HADHB: variants seen among roughly 807,000 people sequenced by gnomAD.
HADHB encodes the protein hydroxyacyl-CoA dehydrogenase trifunctional multienzyme complex subunit beta.
In HADHB, 50 loss-of-function variants were observed where a neutral mutation model predicts 61.9. The observed-to-expected ratio is 0.81, with a 90% CI of 0.64 to 1.02. The LOEUF is 1.02. Ranked by LOEUF, HADHB falls within the 50% of genes least tolerant of loss-of-function variation. The pLI, the probability that HADHB is intolerant of heterozygous loss-of-function variation, is 0.00. For missense variants in HADHB, 504 were observed against 586.5 expected, an observed-to-expected ratio of 0.86 and a Z score of 1.45; for synonymous variants, 191 against 201.6, an observed-to-expected ratio of 0.95 and a Z score of 0.45.
chr2:26,287,795 C>T (rs1673097744), intron 15 of HADHB, among the ~76,000 whole-genome samples: 1 of 152,090 alleles, frequency 6.6e-6, no homozygotes, highest in Admixed American at 6.6e-5. Flanking sequence ...TTTTGGGGGG[C>T]TGTGTGTTGT....
At chr2:26,273,299 T>G (rs1672420570) in intron 5 of HADHB, among the ~76,000 whole-genome samples, 1 of 152,158 alleles carries the variant, frequency 6.6e-6, no homozygotes, top group Admixed American at 6.5e-5. Context: ...CTTTGCTTTA[T>G]CTCTTTGATT....
intron 5 of HADHB, among the ~76,000 whole-genome samples, chr2:26,272,037 A>G (rs1292507757): frequency 2.0e-5 from 3 of 152,244 alleles, no homozygotes; most frequent in Non-Finnish European, 4.4e-5. Flanking sequence ...CTATAGGCGT[A>G]AGCCAATGTT....
At position 26,278,768 on chromosome 2, in the gene HADHB, C is replaced by T. The variant is rs1236583272; in HGVS notation, c.597C>T (p.Ile199=). The change falls in exon 8 of 16, where the codon ATC becomes ATT. Residue 199 remains isoleucine (I), a synonymous_variant. Coordinates refer to ENST00000317799, the MANE Select transcript of HADHB (RefSeq NM_000183.3). ...CTATGGGCCAGCGACTGTCTTTAAT[C>T]TCTAAATTCCGATTTAATTTCCTAG... ...AKSMGQRLSL[I]SKFRFNFLAP... The T allele has an allele frequency of 9.3e-6, 15 of 1,613,998 alleles. No homozygotes were observed. The highest frequency in any genetic ancestry group is 1.3e-5 in the African/African-American group (1 of 74,916).
chr2:26,290,170 ATC>A lies in HADHB; in HGVS notation c.*220_*221del. On this transcript the variant is annotated 3_prime_UTR_variant, in exon 16 of 16. Transcript: ENST00000317799. ...TTTCAGGGATTTCTAAGCCACCAGAATCTCACATGAGATGTGTGGGTGGTTGT... is the reference window on the plus strand; with the variant it reads ...TTTCAGGGATTTCTAAGCCACCAGAATCACATGAGATGTGTGGGTGGTTGT... The A allele has an allele frequency of 5.1e-6, 3 of 591,968 alleles. No individual in the cohort carries two copies. The South Asian group carries it at 5.9e-5, about 12-fold the overall frequency. 36.7% of individuals were successfully genotyped at this position (591,968 alleles called of 1,614,324 possible). A position where few individuals can be genotyped will look rare whatever the true frequency, so the allele number is the denominator to read the frequency against.
intron 1 of HADHB, among the ~76,000 whole-genome samples, chr2:26,248,025 G>C (rs1002288297): frequency 1.6e-4 from 25 of 152,226 alleles, no homozygotes; most frequent in African/African-American, 6.0e-4. Context: ...TCCATGTCTA[G>C]ACTCATAGCT....
At chr2:26,282,396 G>A (rs1231781454) in intron 10 of HADHB, among the ~76,000 whole-genome samples, 1 of 151,748 alleles carries the variant, frequency 6.6e-6, no homozygotes, top group African/African-American at 2.4e-5. Flanking sequence ...AAGTAGCTGG[G>A]ACTACAGGTG....
chr2:26,265,121 C>G (rs780589931), intron 4 of HADHB, among the ~76,000 whole-genome samples: 1 of 152,084 alleles, frequency 6.6e-6, no homozygotes, highest in Admixed American at 6.6e-5. Flanking sequence ...ACTGACACAA[C>G]AGTAAAAGTA....
chr2:26,256,353 A>C (rs1671607124), intron 3 of HADHB, among the ~76,000 whole-genome samples: 1 of 152,120 alleles, frequency 6.6e-6, no homozygotes, highest in Non-Finnish European at 1.5e-5. Flanking sequence ...ATTCCTCTTG[A>C]AGCTTGTGTG....
intron 4 of HADHB, among the ~76,000 whole-genome samples, chr2:26,266,955 C>G (rs1672113122): frequency 6.7e-6 from 1 of 149,292 alleles, no homozygotes; most frequent in Non-Finnish European, 1.5e-5. Context: ...ATGACTTTTC[C>G]CCAAATAATT....
rs1224268851 is a variant in HADHB at position 26,254,470 on chromosome 2, C to T, written c.105C>T (p.Ala35=). ...PLSCSSQLRA[A]PAVQTKTKKT... is the part of the protein sequence containing the mutation. ...GCTGTTCCTCCCAGCTACGAGCTGCCCCAGGTACAGTAATTTGTAAAATAA... is the reference window on the plus strand; with the variant it reads ...GCTGTTCCTCCCAGCTACGAGCTGCTCCAGGTACAGTAATTTGTAAAATAA... The change falls in exon 3 of 16, where the codon GCC becomes GCT. Residue 35 remains alanine (A), a synonymous_variant. Coordinates refer to ENST00000317799, the MANE Select transcript of HADHB (RefSeq NM_000183.3). 1.9e-6 allele frequency: 3 copies of T among 1,569,050 alleles called. No individual in the cohort carries two copies. The highest frequency in any genetic ancestry group is 2.2e-5 in the East Asian group (1 of 44,662).
At position 26,273,745 on chromosome 2, in the gene HADHB, A is replaced by G; in HGVS notation, c.349A>G (p.Arg117Gly). Residue 117 changes from arginine (R) to glycine (G), a missense_variant, in exon 6 of 16, where the codon AGA becomes GGA. Coordinates refer to ENST00000317799, the MANE Select transcript of HADHB (RefSeq NM_000183.3). ...IQEVKTSNVA[R>G]EAALGAGFSD... ...GGAAGTGAAAACAAGCAATGTGGCT[A>G]GAGAGGTGAGTAAAACAAACTTTAT... 3 of 1,536,984 alleles carry G rather than the reference A, an allele frequency of 2.0e-6. No homozygotes were observed. The highest frequency in any genetic ancestry group is 2.3e-5 in the East Asian group (1 of 44,418).
At chr2:26,246,991 G>A (rs1318913599) in intron 1 of HADHB, among the ~76,000 whole-genome samples, 1 of 152,184 alleles carries the variant, frequency 6.6e-6, no homozygotes, top group Non-Finnish European at 1.5e-5. Context: ...ATGTGGTTAA[G>A]TAACTGGCTT....
rs1012719947 is a variant in HADHB, at chr2:26,244,988, A to G, written c.-11A>G. On this transcript the variant is annotated splice_region_variant and 5_prime_UTR_variant, in exon 1 of 16. Coordinates refer to ENST00000317799, the MANE Select transcript of HADHB (RefSeq NM_000183.3). ...GAGGGAGTCCTCGCGGACGTCAGCC[A>G]AGGTGAGACGGCGAGCCCTCAGCTC... 30 of 260,008 alleles carry G rather than the reference A, an allele frequency of 1.2e-4. No homozygotes were observed. Among genetic ancestry groups the G allele is most frequent in the African/African-American group, 5.9e-4 (27 of 45,918 alleles). 16.1% of individuals were successfully genotyped at this position (260,008 alleles called of 1,614,324 possible). A position where few individuals can be genotyped will look rare whatever the true frequency, so the allele number is the denominator to read the frequency against.
In HADHB at chr2:26,277,056, C is replaced by G. The variant is rs747646711; in HGVS notation, c.355-17C>G. On this transcript the variant is annotated splice_polypyrimidine_tract_variant and intron_variant, in intron 6 of 15. Coordinates refer to ENST00000317799, the MANE Select transcript of HADHB (RefSeq NM_000183.3). ...CTTCCCTTATAGTGATCATTTCATTCACTCTATTTCCTAAAGGCTGCCCTT... is the reference window on the plus strand; with the variant it reads ...CTTCCCTTATAGTGATCATTTCATTGACTCTATTTCCTAAAGGCTGCCCTT... The G allele has an allele frequency of 7.1e-6, 9 of 1,273,380 alleles. No individual in the cohort carries two copies. In the East Asian group the frequency reaches 1.6e-4, roughly 23 times the overall value. 78.9% of individuals were successfully genotyped at this position (1,273,380 alleles called of 1,614,324 possible).
At chr2:26,251,156 C>CT (rs1671383901) in intron 1 of HADHB, among the ~76,000 whole-genome samples, 1 of 151,222 alleles carries the variant, frequency 6.6e-6, no homozygotes, top group Non-Finnish European at 1.5e-5. Context: ...TAAAGCTGCT[C>CT]TGTTTTAATT....
Position 26,278,778 on chromosome 2 carries a change from C to T in HADHB, c.607C>T (p.Arg203Ter), listed in dbSNP as rs534616210. 16 of 1,614,036 alleles carry T rather than the reference C, an allele frequency of 9.9e-6. No individual in the cohort carries two copies. Among genetic ancestry groups the T allele is most frequent in the East Asian group, 6.7e-5 (3 of 44,878 alleles). ...GQRLSLISKF[R>*]FNFLAPELPA... ...GCGACTGTCTTTAATCTCTAAATTC[C>T]GATTTAATTTCCTAGCACCTGAGGT... Residue 203 changes from arginine (R) to a stop codon, truncating the protein, a stop_gained, in exon 8 of 16, where the codon CGA becomes TGA. Transcript: ENST00000317799. LOFTEE classifies it high-confidence loss of function.
intron 15 of HADHB, 66 bp from the exon 16 acceptor site, chr2:26,289,852 G>C (rs1673192451): frequency 9.5e-7 from 1 of 1,054,448 alleles, no homozygotes; most frequent in African/African-American, 1.6e-5. Flanking sequence ...CTTGTTCTCT[G>C]CTGTCCCTGT....
chr2:26,261,222 C>CCCA (rs375064998), intron 3 of HADHB: 1 of 474,876 alleles, frequency 2.1e-6, no homozygotes. Context: ...ACCCCCCCCC[C>CCCA]ATCCAGACAA....
intron 13 of HADHB, 86 bp downstream of exon 13, chr2:26,284,290 A>G: frequency 1.2e-6 from 1 of 817,748 alleles, no homozygotes; most frequent in Admixed American, 1.7e-5. Context: ...GGCATGGTTT[A>G]TGATGTGAGT....
Sources: gnomAD v4.1 joint callset for allele counts (sites outside exome capture counted in the v4.1 genomes callset) on GRCh38, gnomAD v4.1.1 for gene constraint, MANE v1.5 for transcripts, NCBI Gene and HGNC (gene_info 2026-07-23, HGNC 2026-07-21) for gene names.